NLRP1: variants seen among roughly 807,000 people sequenced by gnomAD.
NLRP1 encodes NLR family pyrin domain containing 1, also known as NACHT, LRR and PYD domains-containing protein 1.
A neutral mutation model predicts 136.7 loss-of-function variants in NLRP1; 94 were observed. The ratio of observed to expected loss-of-function variants is 0.69; its 90% CI spans 0.58 to 0.82. NLRP1 has a LOEUF of 0.82. Ranked by LOEUF, NLRP1 falls within the 40% of genes least tolerant of loss-of-function variation. NLRP1 has a pLI of 0.00. For synonymous variants in NLRP1, 690 were observed against 725.1 expected, an observed-to-expected ratio of 0.95 and a Z score of 0.78; for missense variants, 1,575 against 1,802.7, an observed-to-expected ratio of 0.87 and a Z score of 2.29.
At position 5,582,938 on chromosome 17, in the gene NLRP1, G is replaced by A. The variant is rs181498923; in HGVS notation, c.272-92C>T. The A allele has an allele frequency of 2.2e-4, 227 of 1,042,524 alleles. No homozygotes were observed. The African/African-American group carries it at 3.0e-3, about 14-fold the overall frequency. 64.6% of individuals were successfully genotyped at this position (1,042,524 alleles called of 1,614,324 possible). On this transcript the variant is annotated intron_variant, in intron 1 of 16. Transcript: ENST00000572272. ...AGCTGGTCTCCTCTCTCAACCAAGA[G>A]AGGTCAGGATACACCAGTGAACCCG...
intron 7 of NLRP1, among the ~76,000 whole-genome samples, chr17:5,539,000 A>G (rs1338988646): frequency 4.6e-5 from 7 of 152,102 alleles, no homozygotes; most frequent in Non-Finnish European, 1.0e-4. Flanking sequence ...CCCTGCAAGT[A>G]GCTGGGATTA....
At chr17:5,582,146 C>A in intron 2 of NLRP1, 84 bp from the exon 3 acceptor site, 1 of 1,053,858 alleles carries the variant, frequency 9.5e-7, no homozygotes, top group Admixed American at 2.2e-5. Flanking sequence ...TCACAACAGT[C>A]CTGAGAGATG....
intron 15 of NLRP1, among the ~76,000 whole-genome samples, chr17:5,517,316 C>A (rs910139694): frequency 2.3e-4 from 33 of 144,500 alleles, no homozygotes; most frequent in African/African-American, 8.4e-4. Context: ...TGGGCTATTT[C>A]TTCTCATCAA....
chr17:5,514,850 A>G lies in NLRP1; in HGVS notation c.4326T>C (p.Asp1442=), dbSNP rs1172676804. ...TCTCCTTCAGGGCTTGGTAGAGTCC[A>G]TCTTTGCACTTCCGGTCCCAGGACT... is the stretch of plus-strand genomic sequence containing the variant. The part of the protein sequence containing the change: ...LSQSWDRKCK[D]GLYQALKETH... Residue 1442 remains aspartate (D), a synonymous_variant, in exon 17 of 17, where the codon GAT becomes GAC. Transcript: ENST00000572272. 2 of 1,613,976 alleles carry G rather than the reference A, an allele frequency of 1.2e-6. No individual in the cohort carries two copies. Among genetic ancestry groups the G allele is most frequent in the Non-Finnish European group, 1.7e-6 (2 of 1,180,018 alleles).
intron 16 of NLRP1, 50 bp from the exon 17 acceptor site, chr17:5,515,123 C>T: frequency 1.3e-6 from 2 of 1,523,386 alleles, no homozygotes; most frequent in Non-Finnish European, 1.8e-6. Context: ...CCTCCAATCC[C>T]CACCTTCAGT....
chr17:5,569,786 G>T (rs989606377), intron 3 of NLRP1, among the ~76,000 whole-genome samples: 18 of 152,252 alleles, frequency 1.2e-4, no homozygotes, highest in African/African-American at 4.1e-4. Flanking sequence ...GACATCTACA[G>T]AACTCTCCAC....
chr17:5,531,664 G>A (rs929451802), intron 11 of NLRP1, among the ~76,000 whole-genome samples: 1 of 152,148 alleles, frequency 6.6e-6, no homozygotes, highest in African/African-American at 2.4e-5. Flanking sequence ...TGGGAGTGAC[G>A]CTGTCTCCTG....
rs1555540085 is a variant in NLRP1 at position 5,502,291 on chromosome 17, C to CCT, written c.4070-420_4070-419insAG. 3.3e-3 allele frequency: 514 copies of CCT among 154,790 alleles called. 2 individuals carry two copies. Among genetic ancestry groups the CCT allele is most frequent in the African/African-American group, 8.5e-3 (323 of 38,030 alleles). 9.6% of individuals were successfully genotyped at this position (154,790 alleles called of 1,614,324 possible). A position where few individuals can be genotyped will look rare whatever the true frequency, so the allele number is the denominator to read the frequency against. On this transcript the variant is annotated intron_variant, in intron 15 of 15. Transcript: ENST00000262467. Reference sequence around the variant, plus strand: ...TTGAGAATGTAAAATGGTGCAGTTCCTTTTTTTTTTTTTTTTGAGACGGGG... The same window carrying CCT: ...TTGAGAATGTAAAATGGTGCAGTTCCCTTTTTTTTTTTTTTTTTGAGACGGGG...
Position 5,533,970 on chromosome 17 carries a change from G to A in NLRP1, c.2979C>T (p.Thr993=), listed in dbSNP as rs200962074. 1.1e-5 allele frequency: 18 copies of A among 1,611,802 alleles called. No individual in the cohort carries two copies. The highest frequency in any genetic ancestry group is 1.5e-5 in the Non-Finnish European group (18 of 1,177,928). The change falls in exon 9 of 17, where the codon ACC becomes ACT. Residue 993 remains threonine, a synonymous_variant. Coordinates refer to ENST00000572272, the MANE Select transcript of NLRP1 (RefSeq NM_033004.4). ...CTCCCGTATCCAGGCCCTCAGTAGG[G>A]GTCATCACACTTGGTTTCCTGGACA... The part of the protein sequence containing the change: ...IFSRRKPSVM[T]PTEGLDTGEM...
At chr17:5,505,865 T>A (rs1907306891) in intron 15 of NLRP1, 1 of 152,414 alleles carries the variant, frequency 6.6e-6, no homozygotes, top group Non-Finnish European at 1.5e-5. Flanking sequence ...GACATTTTCA[T>A]CCTCTTCCCC....
intron 5 of NLRP1, 56 bp from the exon 6 acceptor site, chr17:5,542,083 C>T (rs1326690253): frequency 9.2e-6 from 14 of 1,529,594 alleles, no homozygotes; most frequent in African/African-American, 1.4e-5. Context: ...ATTCAACAGA[C>T]ACCCATAAGC....
downstream of NLRP1, among the ~76,000 whole-genome samples, chr17:5,510,364 T>C (rs892209454): frequency 1.7e-4 from 26 of 151,794 alleles, no homozygotes; most frequent in African/African-American, 5.3e-4. Context: ...TTAAAAAAAC[T>C]GGTTTTTTTT....
At chr17:5,532,526 G>A (rs1910438430) in intron 11 of NLRP1, among the ~76,000 whole-genome samples, 1 of 152,216 alleles carries the variant, frequency 6.6e-6, no homozygotes, top group African/African-American at 2.4e-5. Flanking sequence ...GTGAACAGCT[G>A]AAACGAATTT....
chr17:5,559,640 C>T lies in NLRP1; in HGVS notation c.1056G>A (p.Gly352=). 6.2e-7 allele frequency: 1 copy of T among 1,614,228 alleles called. No individual in the cohort carries two copies. The highest frequency in any genetic ancestry group is 8.5e-7 in the Non-Finnish European group (1 of 1,180,034). The change falls in exon 4 of 17, where the codon GGG becomes GGA. Residue 352 remains glycine (G), a synonymous_variant. Transcript: ENST00000572272. ...AGCGGTCCCCATACAGCTGGCCTCT[C>T]CCCCAGGCTTCCTTCACCTGCCTGG... ...TLARQVKEAW[G]RGQLYGDRFQ... is the part of the protein sequence containing the mutation.
chr17:5,581,900 G>A lies in NLRP1; in HGVS notation c.611C>T (p.Thr204Ile). 6.2e-7 allele frequency: 1 copy of A among 1,613,358 alleles called. No homozygotes were observed. The highest frequency in any genetic ancestry group is 8.5e-7 in the Non-Finnish European group (1 of 1,179,952). The stretch of plus-strand genomic sequence containing the variant: ...TGACGTTTCATCCAGAGGCCATTGG[G>A]TCCCAGGAGCCTCCTGCTCTCTGGG... Reference protein sequence around the residue: ...LAPREQEAPGTQWPLDETSGI... With the variant: ...LAPREQEAPGIQWPLDETSGI... The change falls in exon 3 of 17, where the codon ACC becomes ATC. Residue 204 changes from threonine to isoleucine, a missense_variant. By Grantham distance (89) the Thr-to-Ile change is moderately conservative (BLOSUM62 -1). Transcript: ENST00000572272.
At chr17:5,545,932 CTTTA>C (rs960674352) in intron 5 of NLRP1, among the ~76,000 whole-genome samples, 8 of 152,200 alleles carry the variant, frequency 5.3e-5, no homozygotes, top group South Asian at 2.1e-4. Context: ...TCTCTTGGGG[CTTTA>C]TTTATTTTTA....
chr17:5,549,672 G>T, intron 5 of NLRP1, among the ~76,000 whole-genome samples: 1 of 152,138 alleles, frequency 6.6e-6, no homozygotes, highest in East Asian at 1.9e-4. Flanking sequence ...TTTTCAATCT[G>T]GAAGCTGTTA....
chr17:5,543,315 A>T (rs962669517), intron 5 of NLRP1, among the ~76,000 whole-genome samples: 1 of 152,216 alleles, frequency 6.6e-6, no homozygotes, highest in Admixed American at 6.5e-5. Context: ...TAAATGAGTG[A>T]TTCACTGAGG....
rs201118355 is a variant in NLRP1 at position 5,539,373 on chromosome 17, A to G, written c.2870+42T>C. 402 of 1,562,266 alleles carry G rather than the reference A, an allele frequency of 2.6e-4. 1 individual carries two copies. In the African/African-American group the frequency reaches 4.5e-3, roughly 17 times the overall value. On this transcript the variant is annotated intron_variant, in intron 7 of 16. Coordinates refer to ENST00000572272, the MANE Select transcript of NLRP1 (RefSeq NM_033004.4). ...TCCATCCCCTGTCCGATACCCCCCCAACCCTCTTCCCTCTGCCCAGAAGGG... is the reference window on the plus strand; with the variant it reads ...TCCATCCCCTGTCCGATACCCCCCCGACCCTCTTCCCTCTGCCCAGAAGGG...
Sources: gnomAD v4.1 joint callset for allele counts (sites outside exome capture counted in the v4.1 genomes callset) on GRCh38, gnomAD v4.1.1 for gene constraint, MANE v1.5 for transcripts, NCBI Gene and HGNC (gene_info 2026-07-23, HGNC 2026-07-21) for gene names.